The following CASP6 variants were observed in gnomAD, a reference collection of about 807,000 sequenced individuals.
The protein encoded by CASP6 is caspase-6.
CASP6 carries 20 observed loss-of-function variants against 31.8 expected under a neutral mutation model. The ratio of observed to expected loss-of-function variants is 0.63; its 90% CI spans 0.44 to 0.91. The LOEUF is 0.91. CASP6 is among the 40% of genes least tolerant of loss of function. The pLI, the probability that CASP6 is intolerant of heterozygous loss-of-function variation, is 0.00. For synonymous variants in CASP6, 130 were observed against 127.8 expected (o/e 1.02, Z -0.12); for missense variants, 328 against 361.1 (o/e 0.91, Z 0.74).
intron 3 of CASP6, among the ~76,000 whole-genome samples, chr4:109,696,781 GTTTT>G (rs757024540): frequency 5.5e-5 from 7 of 126,748 alleles, no homozygotes; most frequent in Admixed American, 8.0e-5. Context: ...ACTCAGGCAA[GTTTT>G]TTTTTTTTTT....
the CASP6 span, chr4:109,682,515 C>G: frequency 8.3e-6 from 11 of 1,323,832 alleles, no homozygotes; most frequent in South Asian, 5.7e-5. Flanking sequence ...AATTGGGGAC[C>G]GAAAGATTTA....
At chr4:109,698,533 A>G (rs1324296884) in intron 1 of CASP6, among the ~76,000 whole-genome samples, 191 bp from the exon 2 acceptor site, 1 of 152,194 alleles carries the variant, frequency 6.6e-6, no homozygotes, top group Non-Finnish European at 1.5e-5. Context: ...TAACAGCTCT[A>G]TGCTTTCTCA....
Position 109,697,618 on chromosome 4 carries a change from C to T in CASP6, c.230+4G>A. ...TCATCTTGATAGGTAGATAAAACTACTACCTGCGGGTAAGATTGTCTCTAT... is the reference window on the plus strand; with the variant it reads ...TCATCTTGATAGGTAGATAAAACTATTACCTGCGGGTAAGATTGTCTCTAT... On this transcript the variant is annotated splice_donor_region_variant and intron_variant, in intron 3 of 6. Coordinates refer to ENST00000265164, the MANE Select transcript of CASP6 (RefSeq NM_001226.4). The T allele has an allele frequency of 6.2e-7, 1 of 1,600,448 alleles. No homozygotes were observed. Among genetic ancestry groups the T allele is most frequent in the Non-Finnish European group, 8.5e-7 (1 of 1,175,332 alleles).
At chr4:109,692,616 C>A (rs1375845821) in intron 5 of CASP6, 1 of 152,216 alleles carries the variant, frequency 6.6e-6, no homozygotes, top group Admixed American at 6.5e-5. Context: ...CCCTCTTCAG[C>A]CCATTCCTCA....
the CASP6 span, among the ~76,000 whole-genome samples, chr4:109,667,468 T>C: frequency 5.3e-5 from 8 of 152,058 alleles, no homozygotes; most frequent in African/African-American, 1.9e-4. Context: ...ACTTGTTGTC[T>C]CTTTTTTTCT....
At chr4:109,686,895 A>G (rs1272797191), downstream of CASP6, among the ~76,000 whole-genome samples, 1 of 152,120 alleles carries the variant, frequency 6.6e-6, no homozygotes. Flanking sequence ...AAAAATTTAA[A>G]TATAACACCT....
downstream of CASP6, among the ~76,000 whole-genome samples, chr4:109,686,622 T>G (rs1176225031): frequency 1.3e-5 from 2 of 152,186 alleles, no homozygotes; most frequent in East Asian, 3.8e-4. Flanking sequence ...CCTAGTGTGA[T>G]CCCAGTGATT....
At chr4:109,694,808 G>C in intron 4 of CASP6, 108 bp from the exon 5 acceptor site, 1 of 1,075,506 alleles carries the variant, frequency 9.3e-7, no homozygotes, top group Non-Finnish European at 1.3e-6. Context: ...CACATGATTG[G>C]GGAGGAGGAA....
At chr4:109,699,990 G>GCTTGTGAGA (rs1490204918) in intron 1 of CASP6, among the ~76,000 whole-genome samples, 1 of 152,164 alleles carries the variant, frequency 6.6e-6, no homozygotes, top group Non-Finnish European at 1.5e-5. Context: ...AACTTGGAAA[G>GCTTGTGAGA]CACTCATGTC....
chr4:109,683,053 A>G, the CASP6 span: 2 of 198,804 alleles, frequency 1.0e-5, no homozygotes, highest in African/African-American at 4.7e-5. Context: ...GTAAATAAGT[A>G]TAATATGAGC....
chr4:109,703,429 C>A lies in CASP6; in HGVS notation c.-34G>T. 2.5e-6 allele frequency: 4 copies of A among 1,607,930 alleles called. No individual in the cohort carries two copies. The highest frequency in any genetic ancestry group is 3.4e-6 in the Non-Finnish European group (4 of 1,177,630). On this transcript the variant is annotated 5_prime_UTR_variant, in exon 1 of 7. Transcript: ENST00000265164. ...AACGCGCAGCCAGACACCTTGCCCT[C>A]CTCTTCCTGAAGCCACAGGCTCCCG...
At chr4:109,673,975 T>C in the CASP6 span, 1 of 908,750 alleles carries the variant, frequency 1.1e-6, no homozygotes, top group African/African-American at 1.6e-5. Context: ...TGCATATGGA[T>C]TACACAAACT....
chr4:109,690,768 C>A, intron 6 of CASP6, 82 bp downstream of exon 6: 1 of 1,438,478 alleles, frequency 7.0e-7, no homozygotes, highest in South Asian at 1.4e-5. Flanking sequence ...ACCGAAAGAT[C>A]TGACCCAAAC....
At chr4:109,668,948 C>T in the CASP6 span, among the ~76,000 whole-genome samples, 2 of 151,952 alleles carry the variant, frequency 1.3e-5, no homozygotes, top group Admixed American at 6.6e-5. Context: ...TCCCTCATGC[C>T]CCTTGTCTCA....
At chr4:109,678,323 C>T in the CASP6 span, among the ~76,000 whole-genome samples, 6 of 152,188 alleles carry the variant, frequency 3.9e-5, no homozygotes, top group Admixed American at 2.0e-4. Flanking sequence ...TCTCGATGGT[C>T]GCTGTCTCTT....
At chr4:109,665,191 A>T in the CASP6 span, among the ~76,000 whole-genome samples, 1 of 152,216 alleles carries the variant, frequency 6.6e-6, no homozygotes, top group African/African-American at 2.4e-5. Flanking sequence ...GTAGAACTAC[A>T]TGTATTCATC....
chr4:109,705,107 T>G (rs1398403384), upstream of CASP6, among the ~76,000 whole-genome samples: 1 of 152,198 alleles, frequency 6.6e-6, no homozygotes, highest in African/African-American at 2.4e-5. Flanking sequence ...TCTTCAAAGC[T>G]TCAAAGAACA....
chr4:109,699,418 C>T (rs1579112842), intron 1 of CASP6, among the ~76,000 whole-genome samples: 1 of 152,120 alleles, frequency 6.6e-6, no homozygotes, highest in African/African-American at 2.4e-5. Context: ...AAAAAAAATA[C>T]AAGGTGGGGA....
At chr4:109,674,295 C>T in the CASP6 span, among the ~76,000 whole-genome samples, 1 of 152,304 alleles carries the variant, frequency 6.6e-6, no homozygotes, top group East Asian at 1.9e-4. Flanking sequence ...GACTGAATTA[C>T]TAGTGACTAG....
Sources: allele counts gnomAD v4.1 joint callset (sites outside exome capture counted in the v4.1 genomes callset), GRCh38; gene constraint gnomAD v4.1.1; transcripts MANE v1.5; gene names NCBI Gene and HGNC (gene_info 2026-07-23, HGNC 2026-07-21).